The following CTNNA3 variants were observed in gnomAD, a reference collection of about 807,000 sequenced individuals.
CTNNA3 encodes the protein catenin alpha 3.
Under a neutral mutation model 95.7 loss-of-function variants are expected in CTNNA3, and 76 were observed. The observed-to-expected ratio is 0.79, with a 90% CI of 0.66 to 0.96. The LOEUF is 0.96. CTNNA3 is among the 40% of genes least tolerant of loss of function. CTNNA3 has a pLI of 0.00. For missense variants in CTNNA3, 1,191 were observed against 1,089.8 expected (o/e 1.09, Z -1.31); for synonymous variants, 431 against 374.4 (o/e 1.15, Z -1.74).
intron 16 of CTNNA3, among the ~76,000 whole-genome samples, chr10:65,980,079 T>C (rs2078287420): frequency 6.6e-6 from 1 of 151,678 alleles, no homozygotes; most frequent in South Asian, 2.1e-4. Flanking sequence ...AGATCATTAG[T>C]GAGATTAACG....
intron 5 of CTNNA3, among the ~76,000 whole-genome samples, chr10:67,336,138 G>A (rs2620929): frequency 0.82 from 124,350 of 152,126 alleles, 52,206 homozygotes; most frequent in Middle Eastern, 0.93. Context: ...TATGTGTTCT[G>A]GCTGCTCCAA....
At chr10:66,720,650 T>C (rs558247079) in intron 9 of CTNNA3, among the ~76,000 whole-genome samples, 1 of 152,146 alleles carries the variant, frequency 6.6e-6, no homozygotes, top group African/African-American at 2.4e-5. Context: ...CTGGCCAACA[T>C]GGTGAACCCC....
Position 66,064,674 on chromosome 10 carries a change from G to A in CTNNA3, c.2159+4634C>T, listed in dbSNP as rs940642765. Reference sequence around the variant, plus strand: ...CTAAGAGTCTTAGTCCCAGGTCTCCGGACTATGTGTCTCCTCCAAATGCCA... The same window carrying A: ...CTAAGAGTCTTAGTCCCAGGTCTCCAGACTATGTGTCTCCTCCAAATGCCA... On this transcript the variant is annotated intron_variant, in intron 15 of 17. Coordinates refer to ENST00000433211, the MANE Select transcript of CTNNA3 (RefSeq NM_013266.4). Among the ~76,000 whole-genome samples, 4 of 151,986 alleles carry A rather than the reference G, an allele frequency of 2.6e-5. No individual in the cohort carries two copies. The South Asian group carries it at 8.3e-4, about 32-fold the overall frequency.
chr10:67,676,921 T>G (rs1371521637), intron 1 of CTNNA3, among the ~76,000 whole-genome samples: 2 of 152,136 alleles, frequency 1.3e-5, no homozygotes, highest in Non-Finnish European at 2.9e-5. Flanking sequence ...CAAGGGGGGT[T>G]CTAGTTTAAG....
rs141394654 is a variant in CTNNA3 at position 66,426,057 on chromosome 10, T to A, written c.1532-46705A>T. ...GTGAGAATAATTTGTATCATATGAC[T>A]GTTTCATTCATTTTCATTGTTTTGT... On this transcript the variant is annotated intron_variant, in intron 11 of 17. Transcript: ENST00000433211. Among the ~76,000 whole-genome samples, 499 of 152,286 alleles carry A rather than the reference T, an allele frequency of 3.3e-3. 3 individuals carry two copies. Among genetic ancestry groups the A allele is most frequent in the Non-Finnish European group, 5.9e-3 (404 of 67,998 alleles).
In CTNNA3 at chr10:65,920,552, C is replaced by G. The variant is rs1418796742; in HGVS notation, c.2466G>C (p.Val822=). The G allele has an allele frequency of 1.9e-6, 3 of 1,614,030 alleles. No individual in the cohort carries two copies. Among genetic ancestry groups the G allele is most frequent in the Non-Finnish European group, 2.5e-6 (3 of 1,180,046 alleles). ...KNLMNAVVQT[V]KMSYIASTKI... ...TGGTTGAGGCAATGTAAGACATTTT[C>G]ACTGTTTGCACTACAGCATTCATTA... is the stretch of plus-strand genomic sequence containing the variant. The change falls in exon 18 of 18, where the codon GTG becomes GTC. Residue 822 remains valine, a synonymous_variant. Transcript: ENST00000433211.
At chr10:66,127,271 C>CA (rs35884096) in intron 13 of CTNNA3, among the ~76,000 whole-genome samples, 4,241 of 72,448 alleles carry the variant, frequency 0.059, 120 homozygotes, top group African/African-American at 0.08. Flanking sequence ...GACTCTGTCT[C>CA]AAAAAAAAAA....
chr10:66,096,512 C>T (rs2081391666), intron 14 of CTNNA3, among the ~76,000 whole-genome samples: 3 of 140,672 alleles, frequency 2.1e-5, no homozygotes, highest in Admixed American at 7.7e-5. Context: ...TTTTTTCTTT[C>T]TTTTCTTTTC....
chr10:66,952,084 C>T (rs888700389), intron 7 of CTNNA3, among the ~76,000 whole-genome samples: 1 of 152,150 alleles, frequency 6.6e-6, no homozygotes, highest in South Asian at 2.1e-4. Context: ...TATTTTCCAG[C>T]ATGCTGGGTC....
chr10:67,143,425 T>TAAAAAAAGAAAAAAAAAAAA (rs1860687059), intron 7 of CTNNA3, among the ~76,000 whole-genome samples: 1 of 76,006 alleles, frequency 1.3e-5, no homozygotes, highest in Non-Finnish European at 2.6e-5. Context: ...GGCTCTGTCT[T>TAAAAAAAGAAAAAAAAAAAA]AAAAAAAAAA....
chr10:65,959,589 A>C (rs1379474842), intron 17 of CTNNA3, among the ~76,000 whole-genome samples: 1 of 152,040 alleles, frequency 6.6e-6, no homozygotes, highest in Non-Finnish European at 1.5e-5. Flanking sequence ...CAGTGGCATG[A>C]TCTCAGCTCA....
At chr10:67,282,475 G>C (rs1839438112) in intron 5 of CTNNA3, among the ~76,000 whole-genome samples, 1 of 152,230 alleles carries the variant, frequency 6.6e-6, no homozygotes. Context: ...AGGAAAAGGA[G>C]AAGGAAGCGG....
intron 13 of CTNNA3, among the ~76,000 whole-genome samples, chr10:66,225,327 A>G (rs2131991653): frequency 6.7e-6 from 1 of 149,786 alleles, no homozygotes; most frequent in African/African-American, 2.4e-5. Flanking sequence ...ATTTTGCATA[A>G]CATAATCCCC....
chr10:66,615,650 A>G (rs1053862351), intron 10 of CTNNA3, among the ~76,000 whole-genome samples: 1 of 152,124 alleles, frequency 6.6e-6, no homozygotes, highest in East Asian at 1.9e-4. Context: ...AAAGTAGTAA[A>G]TATAAAACCT....
chr10:66,880,163 T>A (rs1351458428), intron 7 of CTNNA3, among the ~76,000 whole-genome samples: 2 of 151,956 alleles, frequency 1.3e-5, no homozygotes, highest in Admixed American at 6.6e-5. Flanking sequence ...GAACTGAAAG[T>A]ATGGTTGTGA....
intron 13 of CTNNA3, among the ~76,000 whole-genome samples, chr10:66,240,313 T>TA (rs1429008895): frequency 6.6e-6 from 1 of 152,082 alleles, no homozygotes; most frequent in Non-Finnish European, 1.5e-5. Flanking sequence ...AACATTAACT[T>TA]ATGTAAACGG....
At chr10:66,518,382 C>T (rs1840937865) in intron 11 of CTNNA3, among the ~76,000 whole-genome samples, 1 of 152,092 alleles carries the variant, frequency 6.6e-6, no homozygotes, top group African/African-American at 2.4e-5. Flanking sequence ...CTATGCTAAA[C>T]TACCTCTACA....
At chr10:66,051,774 C>T (rs1451859687) in intron 15 of CTNNA3, among the ~76,000 whole-genome samples, 1 of 152,126 alleles carries the variant, frequency 6.6e-6, no homozygotes, top group Non-Finnish European at 1.5e-5. Flanking sequence ...AGTTCAGAAA[C>T]ATGATAGAAC....
At chr10:66,127,748 G>A (rs1171006427) in intron 13 of CTNNA3, among the ~76,000 whole-genome samples, 1 of 152,082 alleles carries the variant, frequency 6.6e-6, no homozygotes, top group Non-Finnish European at 1.5e-5. Flanking sequence ...TTAATAATAA[G>A]GGTATAAGCC....
Sources: gnomAD v4.1 joint callset for allele counts (sites outside exome capture counted in the v4.1 genomes callset) on GRCh38, gnomAD v4.1.1 for gene constraint, MANE v1.5 for transcripts, NCBI Gene and HGNC (gene_info 2026-07-23, HGNC 2026-07-21) for gene names.